The following PRKN variants were observed in gnomAD, a reference collection of about 807,000 sequenced individuals.
PRKN encodes the protein E3 ubiquitin-protein ligase parkin.
PRKN carries 56 observed loss-of-function variants against 59.5 expected under a neutral mutation model. That is an observed-to-expected ratio of 0.94 (90% CI 0.76 to 1.18). PRKN has a LOEUF of 1.18. Among genes scored for constraint, PRKN ranks in the 50% most tolerant of loss-of-function variants. The pLI, the probability that PRKN is intolerant of heterozygous loss-of-function variation, is 0.00. For synonymous variants in PRKN, 250 were observed against 222.1 expected (o/e 1.13, Z -1.12); for missense variants, 657 against 596.4 (o/e 1.10, Z -1.06).
At chr6:162,713,877 T>A (rs1186140274) in intron 1 of PRKN, among the ~76,000 whole-genome samples, 2 of 152,214 alleles carry the variant, frequency 1.3e-5, no homozygotes, top group Non-Finnish European at 2.9e-5. Context: ...GGCAAATCAG[T>A]AAATATTCTA....
chr6:161,871,883 C>T (rs1212752789), intron 6 of PRKN, among the ~76,000 whole-genome samples: 3 of 152,162 alleles, frequency 2.0e-5, no homozygotes, highest in African/African-American at 4.8e-5. Context: ...GGCACGAGGA[C>T]GTGAACGGCT....
At chr6:161,493,689 C>G (rs542499078) in intron 9 of PRKN, among the ~76,000 whole-genome samples, 1 of 152,210 alleles carries the variant, frequency 6.6e-6, no homozygotes, top group Non-Finnish European at 1.5e-5. Flanking sequence ...AGTCACTGCT[C>G]TTCTTTGAGT....
chr6:162,556,473 G>A (rs190939207), intron 1 of PRKN, among the ~76,000 whole-genome samples: 205 of 151,302 alleles, frequency 1.4e-3, no homozygotes, highest in African/African-American at 4.7e-3. Context: ...CTAATGCCGG[G>A]CGCAGTGGTT....
chr6:161,703,743 T>C (rs1001885354), intron 7 of PRKN, among the ~76,000 whole-genome samples: 1 of 149,806 alleles, frequency 6.7e-6, no homozygotes, highest in East Asian at 2.0e-4. Flanking sequence ...CATATGAAAC[T>C]AAAGTCCTAT....
chr6:162,582,758 T>C (rs966638907), intron 1 of PRKN, among the ~76,000 whole-genome samples: 3 of 152,218 alleles, frequency 2.0e-5, no homozygotes, highest in Admixed American at 6.5e-5. Context: ...AAAAAACTTA[T>C]TGGCTGTTTT....
At chr6:161,661,049 C>T (rs568039135) in intron 7 of PRKN, among the ~76,000 whole-genome samples, 25 of 152,260 alleles carry the variant, frequency 1.6e-4, no homozygotes, top group African/African-American at 3.4e-4. Context: ...GACCTCAGCA[C>T]GCCCACTGCT....
chr6:161,479,984 G>C (rs1465069191), intron 9 of PRKN, among the ~76,000 whole-genome samples: 1 of 152,200 alleles, frequency 6.6e-6, no homozygotes, highest in East Asian at 1.9e-4. Flanking sequence ...TTAAGGGCCA[G>C]CACACAATTC....
chr6:162,193,826 C>G (rs1258484523), intron 4 of PRKN, among the ~76,000 whole-genome samples: 1 of 152,156 alleles, frequency 6.6e-6, no homozygotes, highest in Non-Finnish European at 1.5e-5. Flanking sequence ...CTCCTGGCCC[C>G]TCAGTGTACA....
intron 5 of PRKN, among the ~76,000 whole-genome samples, chr6:162,023,557 G>C (rs1052804864): frequency 6.6e-6 from 1 of 152,104 alleles, no homozygotes; most frequent in Non-Finnish European, 1.5e-5. Context: ...CTCCTAGCCT[G>C]CTCCTCTCCT....
chr6:162,622,376 GTT>G (rs1562445208), intron 1 of PRKN, among the ~76,000 whole-genome samples: 1 of 151,416 alleles, frequency 6.6e-6, no homozygotes, highest in African/African-American at 2.4e-5. Flanking sequence ...TAGAGACGGG[GTT>G]TTGCAATGTT....
intron 4 of PRKN, among the ~76,000 whole-genome samples, chr6:162,169,474 A>C (rs530076901): frequency 7.3e-6 from 1 of 137,664 alleles, no homozygotes; most frequent in Non-Finnish European, 1.7e-5. Context: ...TTTCTTAAAA[A>C]TTTATCACAT....
At chr6:162,513,364 A>G (rs1191748785) in intron 1 of PRKN, among the ~76,000 whole-genome samples, 1 of 152,084 alleles carries the variant, frequency 6.6e-6, no homozygotes, top group Non-Finnish European at 1.5e-5. Context: ...ATGTAATCCC[A>G]GGTACTCCGG....
At chr6:162,275,217 G>C (rs980942492) in intron 2 of PRKN, 2 of 152,054 alleles carry the variant, frequency 1.3e-5, no homozygotes, top group Non-Finnish European at 2.9e-5. Context: ...CTATGCCTGA[G>C]TCTGACTACA....
chr6:162,034,581 A>C (rs1319893707), intron 5 of PRKN, among the ~76,000 whole-genome samples: 1 of 152,240 alleles, frequency 6.6e-6, no homozygotes, highest in Non-Finnish European at 1.5e-5. Flanking sequence ...TATTAGGCTT[A>C]GAAGAATTCC....
intron 6 of PRKN, among the ~76,000 whole-genome samples, chr6:161,962,749 C>G (rs972885892): frequency 6.6e-5 from 10 of 151,868 alleles, no homozygotes; most frequent in Non-Finnish European, 1.3e-4. Context: ...GTTTGTCAGG[C>G]TGGTCTTGAA....
chr6:161,772,071 G>C (rs147080664), intron 7 of PRKN, among the ~76,000 whole-genome samples: 1 of 152,328 alleles, frequency 6.6e-6, no homozygotes, highest in African/African-American at 2.4e-5. Flanking sequence ...GCAACATACA[G>C]TATTGAATGC....
At chr6:161,866,222 C>A (rs1475875098) in intron 6 of PRKN, among the ~76,000 whole-genome samples, 2 of 152,068 alleles carry the variant, frequency 1.3e-5, no homozygotes, top group Non-Finnish European at 2.9e-5. Context: ...TCAAAGATCA[C>A]TGATCACAGG....
chr6:161,993,783 A>T (rs903373683), intron 5 of PRKN, among the ~76,000 whole-genome samples: 2 of 152,198 alleles, frequency 1.3e-5, no homozygotes, highest in Non-Finnish European at 2.9e-5. Context: ...CTGAGCCAGC[A>T]CCTGCTTCTG....
chr6:161,932,366 A>C (rs1024441457), intron 6 of PRKN, among the ~76,000 whole-genome samples: 1 of 152,158 alleles, frequency 6.6e-6, no homozygotes, highest in Non-Finnish European at 1.5e-5. Context: ...TATCAACTAT[A>C]ATTATGTTTT....
Sources: allele counts gnomAD v4.1 joint callset (sites outside exome capture counted in the v4.1 genomes callset), GRCh38; gene constraint gnomAD v4.1.1; transcripts MANE v1.5; gene names NCBI Gene and HGNC (gene_info 2026-07-23, HGNC 2026-07-21).